The following F2R variants were observed in gnomAD, a reference collection of about 807,000 sequenced individuals.
F2R encodes the protein coagulation factor II thrombin receptor.
Under a neutral mutation model 18.3 loss-of-function variants are expected in F2R, and 12 were observed. That is an observed-to-expected ratio of 0.66 (90% CI 0.42 to 1.06). The LOEUF is 1.06. F2R is among the 50% of genes least tolerant of loss of function. The pLI is 0.00. For missense variants in F2R, 438 were observed against 530.8 expected, an observed-to-expected ratio of 0.83 and a Z score of 1.72; for synonymous variants, 210 against 219.9, an observed-to-expected ratio of 0.95 and a Z score of 0.40.
intron 1 of F2R, among the ~76,000 whole-genome samples, chr5:76,717,292 TG>T (rs1748364449): frequency 6.6e-6 from 1 of 152,258 alleles, no homozygotes. Context: ...ACAGATGAGT[TG>T]TTTTTAGCCT....
intron 1 of F2R, 164 bp downstream of exon 1, chr5:76,716,559 G>A (rs1306493074): frequency 5.6e-6 from 4 of 708,546 alleles, no homozygotes; most frequent in Non-Finnish European, 7.0e-6. Flanking sequence ...TTTAGGTGGG[G>A]CGTGCCACCC....
chr5:76,716,377 AC>A lies in F2R; in HGVS notation c.73del (p.Arg25GlyfsTer14). The A allele has an allele frequency of 6.9e-7, 1 of 1,454,896 alleles. No homozygotes were observed. The allele number at this position is 1,454,896 out of a possible 1,614,324, so 90.1% of individuals were successfully genotyped here. ...GTGCGGCCCGCTGTTGTCTGCCCGC[AC>A]CCGGGCCCGCAGGCCAGGTGAGAGA... ...SLCGPLLSAR[T>X]RARRPESKAT... On this transcript the variant is annotated frameshift_variant, in exon 1 of 2. Coordinates refer to ENST00000319211, the MANE Select transcript of F2R (RefSeq NM_001992.5). LOFTEE classifies it low-confidence loss of function (END_TRUNC).
chr5:76,717,638 C>T (rs1748371006), intron 1 of F2R, among the ~76,000 whole-genome samples: 1 of 151,684 alleles, frequency 6.6e-6, no homozygotes, highest in Non-Finnish European at 1.5e-5. Context: ...GCATTGTTGC[C>T]GAAAGTGTTT....
intron 1 of F2R, among the ~76,000 whole-genome samples, chr5:76,722,846 G>A (rs1045259705): frequency 6.6e-6 from 1 of 151,926 alleles, no homozygotes; most frequent in Admixed American, 6.6e-5. Flanking sequence ...AGCTACTCAG[G>A]AGGCTGAGGC....
chr5:76,733,109 G>A lies in F2R; in HGVS notation c.884G>A (p.Arg295Gln), dbSNP rs761638806. The change falls in exon 2 of 2, where the codon CGA (arginine) becomes CAA (glutamine). Residue 295 changes from arginine (R) to glutamine (Q), a missense_variant. Physicochemically the swap from Arg to Gln is conservative, Grantham distance 43. Transcript: ENST00000319211. ...ACGGTCTGTTATGTGTCTATCATTC[G>A]ATGTCTTAGCTCTTCCGCAGTTGCC... Reference protein sequence around the residue: ...ISTVCYVSIIRCLSSSAVANR... With the variant: ...ISTVCYVSIIQCLSSSAVANR... 4 of 1,614,046 alleles carry A rather than the reference G, an allele frequency of 2.5e-6. No homozygotes were observed. Among genetic ancestry groups the A allele is most frequent in the Non-Finnish European group, 3.4e-6 (4 of 1,180,026 alleles).
intron 1 of F2R, among the ~76,000 whole-genome samples, chr5:76,727,173 A>T (rs745629581): frequency 2.6e-5 from 4 of 152,202 alleles, no homozygotes; most frequent in Non-Finnish European, 5.9e-5. Context: ...CACTACATGG[A>T]AGTGGGAGAG....
chr5:76,725,665 A>G (rs1376542984), intron 1 of F2R, among the ~76,000 whole-genome samples: 1 of 152,144 alleles, frequency 6.6e-6, no homozygotes, highest in African/African-American at 2.4e-5. Flanking sequence ...TAATTTCACA[A>G]AAACCAGAAT....
In F2R at chr5:76,733,178, T is replaced by C; in HGVS notation, c.953T>C (p.Val318Ala). 1 of 1,614,164 alleles carries C rather than the reference T, an allele frequency of 6.2e-7. No homozygotes were observed. Among genetic ancestry groups the C allele is most frequent in the Non-Finnish European group, 8.5e-7 (1 of 1,180,024 alleles). The change falls in exon 2 of 2, where the codon GTT (valine) becomes GCT (alanine). Residue 318 changes from valine (V) to alanine (A), a missense_variant. Physicochemically the swap from Val to Ala is moderately conservative, Grantham distance 64. Coordinates refer to ENST00000319211, the MANE Select transcript of F2R (RefSeq NM_001992.5). ...KSRALFLSAA[V>A]FCIFIICFGP... ...CGGGCTTTGTTCCTGTCAGCTGCTG[T>C]TTTCTGCATCTTCATCATTTGCTTC...
intron 1 of F2R, among the ~76,000 whole-genome samples, chr5:76,720,156 C>T (rs762742034): frequency 4.6e-5 from 7 of 152,092 alleles, no homozygotes; most frequent in Non-Finnish European, 8.8e-5. Context: ...ACCAGCATAG[C>T]AGGTTCTCAG....
intron 1 of F2R, among the ~76,000 whole-genome samples, chr5:76,729,188 G>T (rs1748626250): frequency 1.3e-5 from 2 of 152,108 alleles, no homozygotes; most frequent in South Asian, 2.1e-4. Context: ...TCATCTTTTT[G>T]ATAATATCCA....
chr5:76,732,856 C>G lies in F2R; in HGVS notation c.631C>G (p.Leu211Val). 2 of 1,614,196 alleles carry G rather than the reference C, an allele frequency of 1.2e-6. No individual in the cohort carries two copies. Among genetic ancestry groups the G allele is most frequent in the Non-Finnish European group, 1.7e-6 (2 of 1,180,036 alleles). The change falls in exon 2 of 2, where the codon CTC becomes GTC. Residue 211 changes from leucine (L) to valine (V), a missense_variant. Transcript: ENST00000319211. ...FLAVVYPMQS[L>V]SWRTLGRASF... ...GGCTGTGGTGTATCCCATGCAGTCC[C>G]TCTCCTGGCGTACTCTGGGAAGGGC...
chr5:76,728,036 A>G (rs1748602909), intron 1 of F2R, among the ~76,000 whole-genome samples: 1 of 151,792 alleles, frequency 6.6e-6, no homozygotes, highest in African/African-American at 2.4e-5. Flanking sequence ...TACAGGTGTG[A>G]GCCACCACAC....
At chr5:76,721,641 A>G (rs1390452385) in intron 1 of F2R, among the ~76,000 whole-genome samples, 1 of 152,254 alleles carries the variant, frequency 6.6e-6, no homozygotes, top group East Asian at 1.9e-4. Flanking sequence ...AATAGTGTTT[A>G]CCAGTACAGT....
chr5:76,716,454 G>A, intron 1 of F2R, 59 bp downstream of exon 1: 3 of 1,320,016 alleles, frequency 2.3e-6, no homozygotes, highest in Non-Finnish European at 3.0e-6. Flanking sequence ...GAGACTGCGG[G>A]GGTCACTGTT....
intron 1 of F2R, among the ~76,000 whole-genome samples, chr5:76,729,808 T>C (rs1460415107): frequency 6.6e-6 from 1 of 152,176 alleles, no homozygotes; most frequent in African/African-American, 2.4e-5. Context: ...ATAATTCCCA[T>C]GTGTTGTAGG....
chr5:76,727,886 CT>C (rs535105741), intron 1 of F2R, among the ~76,000 whole-genome samples: 2,387 of 127,778 alleles, frequency 0.019, 50 homozygotes, highest in African/African-American at 0.061. Flanking sequence ...GACTGGGTCA[CT>C]TTTTTTTTTT....
intron 1 of F2R, among the ~76,000 whole-genome samples, chr5:76,723,120 A>G (rs1448312661): frequency 6.6e-6 from 1 of 152,154 alleles, no homozygotes; most frequent in Non-Finnish European, 1.5e-5. Context: ...GTAAGGACCA[A>G]GTTGTTGGCA....
intron 1 of F2R, chr5:76,716,618 C>A (rs2150579063): frequency 1.4e-6 from 1 of 727,710 alleles, no homozygotes; most frequent in South Asian, 1.5e-5. Flanking sequence ...TTGGAGGGTG[C>A]AGCCCGCCTG....
chr5:76,720,254 A>C (rs1186790605), intron 1 of F2R, among the ~76,000 whole-genome samples: 1 of 152,046 alleles, frequency 6.6e-6, no homozygotes, highest in African/African-American at 2.4e-5. Flanking sequence ...TAGGCAACAT[A>C]GTAAGACCCC....
Sources: gnomAD v4.1 joint callset for allele counts (sites outside exome capture counted in the v4.1 genomes callset) on GRCh38, gnomAD v4.1.1 for gene constraint, MANE v1.5 for transcripts, NCBI Gene and HGNC (gene_info 2026-07-23, HGNC 2026-07-21) for gene names.